Variants in AIG1 observed in about 807,000 individuals in gnomAD.
The protein encoded by AIG1 is androgen induced 1.
A neutral mutation model predicts 31.4 loss-of-function variants in AIG1; 23 were observed. That is an observed-to-expected ratio of 0.73 (90% confidence interval 0.53 to 1.04). The LOEUF is 1.04. Among genes scored for constraint, AIG1 ranks in the 50% least tolerant of loss-of-function variants. AIG1 has a pLI of 0.00. For missense variants in AIG1, 274 were observed against 295.0 expected, an observed-to-expected ratio of 0.93 and a Z score of 0.52; for synonymous variants, 100 against 110.5, an observed-to-expected ratio of 0.90 and a Z score of 0.60.
At chr6:143,157,053 C>A (rs373188328) in intron 2 of AIG1, among the ~76,000 whole-genome samples, 6 of 152,262 alleles carry the variant, frequency 3.9e-5, no homozygotes, top group African/African-American at 1.4e-4. Flanking sequence ...TATTTTTAGA[C>A]CTTGCAGACC....
intron 3 of AIG1, among the ~76,000 whole-genome samples, chr6:143,193,881 A>T (rs571406410): frequency 1.3e-5 from 2 of 152,362 alleles, no homozygotes; most frequent in East Asian, 1.9e-4. Context: ...AGAGAATTTC[A>T]GGGGTTTAGG....
chr6:143,309,079 A>G (rs190861223), intron 4 of AIG1, among the ~76,000 whole-genome samples: 105 of 152,184 alleles, frequency 6.9e-4, no homozygotes, highest in Admixed American at 5.5e-3. Context: ...GAATTATAAT[A>G]TACTTCTCAT....
At chr6:143,143,743 T>C (rs1784491815) in intron 2 of AIG1, among the ~76,000 whole-genome samples, 1 of 151,788 alleles carries the variant, frequency 6.6e-6, no homozygotes, top group South Asian at 2.1e-4. Context: ...TAGAACCCAG[T>C]ACACTGCAGG....
chr6:143,263,925 T>G (rs766641155), intron 3 of AIG1, among the ~76,000 whole-genome samples: 20 of 152,212 alleles, frequency 1.3e-4, no homozygotes, highest in Non-Finnish European at 2.4e-4. Flanking sequence ...TTTCTTTTAT[T>G]TAGGCTGGTT....
chr6:143,178,057 G>T (rs1278762334), intron 3 of AIG1, among the ~76,000 whole-genome samples: 1 of 152,208 alleles, frequency 6.6e-6, no homozygotes, highest in Non-Finnish European at 1.5e-5. Flanking sequence ...GTTGCTGGTG[G>T]CAGCAGCAGC....
At chr6:143,142,549 C>G (rs1784331572) in intron 2 of AIG1, among the ~76,000 whole-genome samples, 1 of 152,056 alleles carries the variant, frequency 6.6e-6, no homozygotes, top group Non-Finnish European at 1.5e-5. Context: ...AGATGATAGC[C>G]CTTTCTGAGT....
intron 3 of AIG1, among the ~76,000 whole-genome samples, chr6:143,252,033 A>C (rs1369111654): frequency 6.6e-6 from 1 of 152,148 alleles, no homozygotes; most frequent in African/African-American, 2.4e-5. Flanking sequence ...TGGAAAGCAG[A>C]TATTTATGTG....
chr6:143,154,905 C>T (rs78417495), intron 2 of AIG1, among the ~76,000 whole-genome samples: 12,021 of 151,920 alleles, frequency 0.079, 859 homozygotes, highest in East Asian at 0.38. Context: ...TGGAGTGCAG[C>T]GGTGTGATCT....
At chr6:143,307,791 C>T (rs1290651569) in intron 4 of AIG1, among the ~76,000 whole-genome samples, 1 of 151,922 alleles carries the variant, frequency 6.6e-6, no homozygotes, top group Admixed American at 6.6e-5. Context: ...TTTGTCTGTG[C>T]CCTGCCCCCA....
At chr6:143,239,872 G>A (rs1583595997) in intron 3 of AIG1, among the ~76,000 whole-genome samples, 1 of 152,332 alleles carries the variant, frequency 6.6e-6, no homozygotes, top group Middle Eastern at 3.4e-3. Flanking sequence ...TCTGGCTCAG[G>A]ATGTTTACCT....
At chr6:143,105,693 G>T (rs886525472) in intron 1 of AIG1, among the ~76,000 whole-genome samples, 2 of 152,262 alleles carry the variant, frequency 1.3e-5, no homozygotes, top group Non-Finnish European at 2.9e-5. Flanking sequence ...CTTTTGAGTA[G>T]TCTGGGTTCT....
chr6:143,148,337 C>CAAAA (rs527337431), intron 2 of AIG1, among the ~76,000 whole-genome samples: 3 of 46,360 alleles, frequency 6.5e-5, no homozygotes, highest in South Asian at 6.9e-4. Context: ...CCCATCTCTA[C>CAAAA]AAAAAAAAAA....
intron 4 of AIG1, among the ~76,000 whole-genome samples, chr6:143,313,177 C>G (rs1443909295): frequency 6.6e-6 from 1 of 152,052 alleles, no homozygotes; most frequent in Non-Finnish European, 1.5e-5. Context: ...ATAGAGCTAC[C>G]ATATGATCCA....
intron 3 of AIG1, among the ~76,000 whole-genome samples, chr6:143,254,955 T>C (rs543101159): frequency 4.4e-4 from 67 of 152,244 alleles, no homozygotes; most frequent in South Asian, 1.2e-3. Flanking sequence ...GAGGATCACC[T>C]GAGCCCCAGG....
At chr6:143,117,911 T>C (rs1332810261) in intron 1 of AIG1, among the ~76,000 whole-genome samples, 5 of 152,204 alleles carry the variant, frequency 3.3e-5, no homozygotes, top group African/African-American at 1.2e-4. Context: ...GCTGTCTTCA[T>C]GACATGAAAA....
chr6:143,138,541 A>G (rs1783959617), intron 2 of AIG1, among the ~76,000 whole-genome samples: 2 of 152,228 alleles, frequency 1.3e-5, no homozygotes, highest in South Asian at 4.1e-4. Flanking sequence ...TGGAATTTCT[A>G]TAGCCATGTC....
chr6:143,284,190 C>G lies in AIG1; in HGVS notation c.480C>G (p.Thr160=). ...ATCCCAGCAGGAGCAGCGGACTTACCGCCATATGTACCTTCTCTGTTGGCT... is the reference window on the plus strand; with the variant it reads ...ATCCCAGCAGGAGCAGCGGACTTACGGCCATATGTACCTTCTCTGTTGGCT... The part of the protein sequence containing the change: ...HQYPSRSSGL[T]AICTFSVGYI... The change falls in exon 4 of 6, where the codon ACC becomes ACG. Residue 160 remains threonine, a synonymous_variant. Coordinates refer to ENST00000357847, the MANE Select transcript of AIG1 (RefSeq NM_016108.4). The surrounding 1 kb of genome is among the most constrained non-coding windows in gnomAD (Gnocchi z 4.4). The G allele has an allele frequency of 6.2e-7, 1 of 1,613,764 alleles. No individual in the cohort carries two copies. Among genetic ancestry groups the G allele is most frequent in the Non-Finnish European group, 8.5e-7 (1 of 1,179,760 alleles).
chr6:143,315,861 A>G (rs1775698119), intron 4 of AIG1, among the ~76,000 whole-genome samples: 1 of 152,110 alleles, frequency 6.6e-6, no homozygotes, highest in Non-Finnish European at 1.5e-5. Flanking sequence ...CTGAGTACTG[A>G]TTTAGTTTCT....
Position 143,279,102 on chromosome 6 carries a change from A to G in AIG1, c.400-5008A>G, listed in dbSNP as rs149754105. Among the ~76,000 whole-genome samples the G allele has an allele frequency of 3.9e-3, 601 of 152,294 alleles. No homozygotes were observed. Among genetic ancestry groups the G allele is most frequent in the African/African-American group, 0.014 (567 of 41,552 alleles). On this transcript the variant is annotated intron_variant, in intron 3 of 5. Transcript: ENST00000357847. The surrounding 1 kb of genome is among the most constrained non-coding windows in gnomAD (Gnocchi z 5.4). ...TTCTTACATTAGTGTGTACGTGTGT[A>G]TACGTATATGATGTTTTATGACAGC...
Sources: allele counts gnomAD v4.1 joint callset (sites outside exome capture counted in the v4.1 genomes callset), GRCh38; gene constraint gnomAD v4.1.1; non-coding constraint Gnocchi (gnomAD v3.1); transcripts MANE v1.5; gene names NCBI Gene and HGNC (gene_info 2026-07-23, HGNC 2026-07-21).